Variants in TGFBRAP1 observed in about 807,000 individuals in gnomAD.
The protein encoded by TGFBRAP1 is transforming growth factor beta receptor associated protein 1, also known as transforming growth factor-beta receptor-associated protein 1.
TGFBRAP1 carries 20 observed loss-of-function variants against 83.2 expected under a neutral mutation model. The observed-to-expected ratio is 0.24, with a 90% confidence interval of 0.17 to 0.35. The LOEUF (loss-of-function observed/expected upper bound fraction) is 0.35, where lower values mean the gene tolerates loss of function less well. Ranked by LOEUF, TGFBRAP1 falls within the 10% of genes least tolerant of loss-of-function variation. The pLI is 1.00. For synonymous variants in TGFBRAP1, 415 were observed against 459.8 expected (o/e 0.90, Z 1.25); for missense variants, 950 against 1,099.4 (o/e 0.86, Z 1.92).
At chr2:105,272,032 T>C (rs117300948) in intron 10 of TGFBRAP1, among the ~76,000 whole-genome samples, 1 of 152,350 alleles carries the variant, frequency 6.6e-6, no homozygotes, top group East Asian at 1.9e-4. Flanking sequence ...TGTGATGTGC[T>C]TTATGGAGAC....
rs778330910 is a variant in TGFBRAP1 at position 105,272,974 on chromosome 2, T to G, written c.1853A>C (p.Glu618Ala). The change falls in exon 10 of 12, where the codon GAA becomes GCA. Residue 618 changes from glutamate (E) to alanine (A), a missense_variant. Physicochemically the swap from Glu to Ala is moderately radical, Grantham distance 107. Coordinates refer to ENST00000393359, the MANE Select transcript of TGFBRAP1 (RefSeq NM_004257.6). ...YHTHLAVLYLEEVLLQRASAS... is the reference protein window; with the variant it reads ...YHTHLAVLYLAEVLLQRASAS... ...GGAGGCCCTCTGCAGCAGCACCTCT[T>G]CCAGGTACAGCACAGCTAAGTGGGT... is the stretch of plus-strand genomic sequence containing the variant. 6.2e-7 allele frequency: 1 copy of G among 1,613,516 alleles called. No homozygotes were observed. Among genetic ancestry groups the G allele is most frequent in the East Asian group, 2.2e-5 (1 of 44,860 alleles).
intron 2 of TGFBRAP1, among the ~76,000 whole-genome samples, chr2:105,302,398 G>C (rs914791291): frequency 6.6e-6 from 1 of 152,076 alleles, no homozygotes; most frequent in Non-Finnish European, 1.5e-5. Context: ...CCCAGGAATA[G>C]CTAAAGACTG....
At chr2:105,315,161 T>C (rs975204714) in intron 1 of TGFBRAP1, among the ~76,000 whole-genome samples, 10 of 152,024 alleles carry the variant, frequency 6.6e-5, no homozygotes, top group African/African-American at 1.9e-4. Flanking sequence ...ATATAAGGTA[T>C]GAAAGAATTA....
At chr2:105,276,403 A>T (rs1467638807) in intron 7 of TGFBRAP1, among the ~76,000 whole-genome samples, 2 of 152,136 alleles carry the variant, frequency 1.3e-5, no homozygotes, top group Non-Finnish European at 2.9e-5. Context: ...CCACCCATAC[A>T]CAGCACCACC....
chr2:105,267,440 G>T lies in TGFBRAP1; in HGVS notation c.2526C>A (p.His842Gln). Residue 842 changes from histidine to glutamine, a missense_variant, in exon 12 of 12, where the codon CAC becomes CAA. His to Gln is a conservative substitution (Grantham distance 24). Transcript: ENST00000393359. The stretch of plus-strand genomic sequence containing the variant: ...GGTTTGTGTGTCTGCTGGCGGCACA[G>T]TGGGTGTGCACAAGACCACCATTTG... ...RYPNGGLVHT[H>Q]CAASRHTNPS... The T allele has an allele frequency of 6.2e-7, 1 of 1,614,226 alleles. No individual in the cohort carries two copies. Among genetic ancestry groups the T allele is most frequent in the Non-Finnish European group, 8.5e-7 (1 of 1,180,046 alleles).
intron 9 of TGFBRAP1, 124 bp from the exon 10 acceptor site, chr2:105,273,138 C>A (rs901296022): frequency 1.2e-5 from 15 of 1,228,794 alleles, no homozygotes; most frequent in Non-Finnish European, 1.7e-5. Flanking sequence ...CAGATGCTCA[C>A]TTGCTGGATC....
At chr2:105,295,269 A>G (rs768955957) in intron 4 of TGFBRAP1, among the ~76,000 whole-genome samples, 1 of 152,216 alleles carries the variant, frequency 6.6e-6, no homozygotes, top group Non-Finnish European at 1.5e-5. Context: ...GCCAAAGAAC[A>G]TATCATTCCA....
intron 1 of TGFBRAP1, among the ~76,000 whole-genome samples, chr2:105,316,473 GC>G (rs1678876528): frequency 2.5e-5 from 2 of 81,262 alleles, no homozygotes; most frequent in East Asian, 6.3e-4. Flanking sequence ...GCGCGCGCGC[GC>G]GCGCGCACGC....
intron 1 of TGFBRAP1, among the ~76,000 whole-genome samples, chr2:105,311,162 C>CA (rs375981592): frequency 0.17 from 24,044 of 139,946 alleles, 2,442 homozygotes; most frequent in Middle Eastern, 0.24. Flanking sequence ...AAAAAAAAAA[C>CA]AAAAAACAAA....
chr2:105,308,071 C>A lies in TGFBRAP1; in HGVS notation c.231G>T (p.Lys77Asn), dbSNP rs1427477845. Residue 77 changes from lysine to asparagine, a missense_variant, in exon 2 of 12, where the codon AAG (lysine) becomes AAT (asparagine). Coordinates refer to ENST00000393359, the MANE Select transcript of TGFBRAP1 (RefSeq NM_004257.6). ...AGGCCGCACGCAGCTCGTTCACGGG[C>A]TTCTTGAAGCCCAAGTGTCTCTGCA... is the stretch of plus-strand genomic sequence containing the variant. The part of the protein sequence containing the change: ...KQLQRHLGFK[K>N]PVNELRAASA... 1 of 1,613,856 alleles carries A rather than the reference C, an allele frequency of 6.2e-7. No homozygotes were observed. The highest frequency in any genetic ancestry group is 8.5e-7 in the Non-Finnish European group (1 of 1,179,816).
chr2:105,326,207 T>C (rs1679223000), intron 1 of TGFBRAP1, among the ~76,000 whole-genome samples: 1 of 152,172 alleles, frequency 6.6e-6, no homozygotes, highest in South Asian at 2.1e-4. Flanking sequence ...TATATACACA[T>C]ACTATATATG....
chr2:105,254,972 T>A, the TGFBRAP1 span, among the ~76,000 whole-genome samples: 1 of 152,288 alleles, frequency 6.6e-6, no homozygotes, highest in East Asian at 1.9e-4. Flanking sequence ...ACTTCCAGCC[T>A]CCAGAACTGT....
chr2:105,269,356 C>T lies in TGFBRAP1; in HGVS notation c.2322G>A (p.Met774Ile), dbSNP rs1475350616. 1.9e-6 allele frequency: 3 copies of T among 1,614,082 alleles called. No individual in the cohort carries two copies. The highest frequency in any genetic ancestry group is 1.7e-4 in the Middle Eastern group (1 of 6,006). ...QLLCPFLMGAMRDSIHARRTM... is the reference protein window; with the variant it reads ...QLLCPFLMGAIRDSIHARRTM... Reference sequence around the variant, plus strand: ...TCCTCCTGGCATGGATGCTGTCCCTCATGGCCCCCATCAGGAATGGGCAGA... The same window carrying T: ...TCCTCCTGGCATGGATGCTGTCCCTTATGGCCCCCATCAGGAATGGGCAGA... The change falls in exon 11 of 12, where the codon ATG becomes ATA. Residue 774 changes from methionine (M) to isoleucine (I), a missense_variant. Met to Ile is a conservative substitution (Grantham distance 10). Coordinates refer to ENST00000393359, the MANE Select transcript of TGFBRAP1 (RefSeq NM_004257.6). This position sits in a 1 kb window ranked among gnomAD's most constrained non-coding sequence, Gnocchi z 4.1.
chr2:105,267,281 C>T lies in TGFBRAP1; in HGVS notation c.*102G>A, dbSNP rs961752125. 5.4e-6 allele frequency: 8 copies of T among 1,480,730 alleles called. No individual in the cohort carries two copies. The highest frequency in any genetic ancestry group is 7.2e-6 in the Non-Finnish European group (8 of 1,103,860). The allele number at this position is 1,480,730 out of a possible 1,614,324, so 91.7% of individuals were successfully genotyped here. ...AGGCTCCCTGGCACCCAGATGTCTCCCTTCGTCCTGGCTGACACAGAGCAT... is the reference window on the plus strand; with the variant it reads ...AGGCTCCCTGGCACCCAGATGTCTCTCTTCGTCCTGGCTGACACAGAGCAT... On this transcript the variant is annotated 3_prime_UTR_variant, in exon 12 of 12. Coordinates refer to ENST00000393359, the MANE Select transcript of TGFBRAP1 (RefSeq NM_004257.6).
chr2:105,291,585 C>T (rs1368559601), intron 4 of TGFBRAP1, among the ~76,000 whole-genome samples: 1 of 152,106 alleles, frequency 6.6e-6, no homozygotes, highest in East Asian at 1.9e-4. Context: ...GAATATTATT[C>T]GGCCTTAAAA....
intron 1 of TGFBRAP1, among the ~76,000 whole-genome samples, chr2:105,314,339 C>G (rs1351079667): frequency 6.7e-6 from 1 of 150,162 alleles, no homozygotes; most frequent in Non-Finnish European, 1.5e-5. Flanking sequence ...CAAGCTCCAC[C>G]TCCCGGGTTC....
At position 105,267,100 on chromosome 2, in the gene TGFBRAP1, T is replaced by G; in HGVS notation, c.*283A>C. 6.1e-6 allele frequency: 2 copies of G among 326,840 alleles called. No individual in the cohort carries two copies. The highest frequency in any genetic ancestry group is 5.6e-6 in the Non-Finnish European group (1 of 179,466). 20.2% of individuals were successfully genotyped at this position (326,840 alleles called of 1,614,324 possible). ...TTTTTTTTTTCAAAGTAGACCTCTG[T>G]CTTGGATTACTATGTACCTGGACAG... On this transcript the variant is annotated 3_prime_UTR_variant, in exon 12 of 12. Transcript: ENST00000393359.
rs376518555 is a variant in TGFBRAP1, at chr2:105,298,552, G to A, written c.842C>T (p.Thr281Met). 54 of 1,612,664 alleles carry A rather than the reference G, an allele frequency of 3.3e-5. No homozygotes were observed. The highest frequency in any genetic ancestry group is 1.6e-4 in the Middle Eastern group (1 of 6,076). ...GATATGGCCCTCCTTAAAGGGCAGC[G>A]TCTGCTTCTGTTGCTGATCCAACAT... ...HSMLDQQQKQTLPFKEGHILQ... is the reference protein window; with the variant it reads ...HSMLDQQQKQMLPFKEGHILQ... Residue 281 changes from threonine (T) to methionine (M), a missense_variant, in exon 3 of 12, where the codon ACG (threonine) becomes ATG (methionine). Coordinates refer to ENST00000393359, the MANE Select transcript of TGFBRAP1 (RefSeq NM_004257.6).
Position 105,308,088 on chromosome 2 carries a change from G to A in TGFBRAP1, c.214C>T (p.His72Tyr), listed in dbSNP as rs77588203. The A allele has an allele frequency of 3.2e-4, 518 of 1,613,898 alleles. 1 individual carries two copies. In the African/African-American group the frequency reaches 5.9e-3, roughly 18 times the overall value. The change falls in exon 2 of 12, where the codon CAC becomes TAC. Residue 72 changes from histidine to tyrosine, a missense_variant. Physicochemically the swap from His to Tyr is moderately conservative, Grantham distance 83. Transcript: ENST00000393359. ...TFTATKQLQR[H>Y]LGFKKPVNEL... The stretch of plus-strand genomic sequence containing the variant: ...TTCACGGGCTTCTTGAAGCCCAAGT[G>A]TCTCTGCAGCTGTTTGGTGGCAGTG...
Sources: allele counts gnomAD v4.1 joint callset (sites outside exome capture counted in the v4.1 genomes callset), GRCh38; gene constraint gnomAD v4.1.1; non-coding constraint Gnocchi (gnomAD v3.1); transcripts MANE v1.5; gene names NCBI Gene and HGNC (gene_info 2026-07-23, HGNC 2026-07-21).